The following ARHGAP42 variants were observed in gnomAD, a reference collection of about 807,000 sequenced individuals.
ARHGAP42 encodes the protein Rho GTPase activating protein 42.
In ARHGAP42, 63 loss-of-function variants were observed where a neutral mutation model predicts 125.0. The observed-to-expected ratio is 0.50, with a 90% CI of 0.41 to 0.62. The LOEUF (loss-of-function observed/expected upper bound fraction) is 0.62. Among genes scored for constraint, ARHGAP42 ranks in the 20% least tolerant of loss-of-function variants. The pLI, the probability that ARHGAP42 is intolerant of heterozygous loss-of-function variation, is 0.00. For synonymous variants in ARHGAP42, 339 were observed against 351.0 expected (o/e 0.97, Z 0.38); for missense variants, 766 against 1,024.2 (o/e 0.75, Z 3.44).
At chr11:100,827,298 C>T (rs373152680) in intron 3 of ARHGAP42, among the ~76,000 whole-genome samples, 23 of 152,298 alleles carry the variant, frequency 1.5e-4, no homozygotes, top group Non-Finnish European at 2.1e-4. Context: ...CCACAACGTC[C>T]GGCCAAGCCT....
chr11:100,806,000 G>T (rs566505502), intron 3 of ARHGAP42, among the ~76,000 whole-genome samples: 3 of 152,108 alleles, frequency 2.0e-5, no homozygotes, highest in Non-Finnish European at 4.4e-5. Context: ...CCAACCTCCT[G>T]GGAAAGTAGC....
chr11:100,993,000 A>C lies in ARHGAP42; in HGVS notation c.*4199A>C. The stretch of plus-strand genomic sequence containing the variant: ...TGTGTGCTTACTGAAGAGTCCCAAA[A>C]ACCAGAGACCATTTTCATTTACTGC... On this transcript the variant is annotated 3_prime_UTR_variant, in exon 24 of 24. Transcript: ENST00000298815. 3.4e-6 allele frequency: 1 copy of C among 295,292 alleles called. No individual in the cohort carries two copies. Among genetic ancestry groups the C allele is most frequent in the Non-Finnish European group, 6.6e-6 (1 of 150,586 alleles). 18.3% of individuals were successfully genotyped at this position (295,292 alleles called of 1,614,324 possible).
chr11:100,705,901 C>A (rs986782572), intron 1 of ARHGAP42, among the ~76,000 whole-genome samples: 1 of 151,694 alleles, frequency 6.6e-6, no homozygotes, highest in Non-Finnish European at 1.5e-5. Context: ...AGCTGTAGAC[C>A]ATGTATCATT....
intron 5 of ARHGAP42, 71 bp from the exon 6 acceptor site, chr11:100,921,423 A>T (rs1028843223): frequency 1.8e-6 from 2 of 1,132,334 alleles, no homozygotes; most frequent in Non-Finnish European, 2.5e-6. Context: ...TTTAATAAAG[A>T]TACCAGAGCA....
At position 100,991,693 on chromosome 11, in the gene ARHGAP42, A is replaced by G. The variant is rs890825319; in HGVS notation, c.*2892A>G. 1 of 152,146 alleles carries G rather than the reference A, an allele frequency of 6.6e-6. No individual in the cohort carries two copies. Among genetic ancestry groups the G allele is most frequent in the Non-Finnish European group, 1.5e-5 (1 of 68,028 alleles). 9.4% of individuals were successfully genotyped at this position (152,146 alleles called of 1,614,324 possible). A position where few individuals can be genotyped will look rare whatever the true frequency, so the allele number is the denominator to read the frequency against. ...TATGTGTAAATGTCTGAACAGTAAA[A>G]TCATCTGTGTATTCCTGTAACATTC... On this transcript the variant is annotated 3_prime_UTR_variant, in exon 24 of 24. Transcript: ENST00000298815.
At chr11:100,825,461 A>G (rs1820652097) in intron 3 of ARHGAP42, among the ~76,000 whole-genome samples, 1 of 152,252 alleles carries the variant, frequency 6.6e-6, no homozygotes, top group Non-Finnish European at 1.5e-5. Context: ...TGTTTATATC[A>G]GCCATTCAAA....
rs773454129 is a variant in ARHGAP42, at chr11:100,993,784, G to A, written c.*4983G>A. On this transcript the variant is annotated 3_prime_UTR_variant, in exon 24 of 24. Coordinates refer to ENST00000298815, the MANE Select transcript of ARHGAP42 (RefSeq NM_152432.4). Reference sequence around the variant, plus strand: ...TTTTTTGTTTATTTTGTAGTGTTCTGTATTTATCTGCACTTTGTGTATATA... The same window carrying A: ...TTTTTTGTTTATTTTGTAGTGTTCTATATTTATCTGCACTTTGTGTATATA... 6.0e-5 allele frequency: 10 copies of A among 166,952 alleles called. No homozygotes were observed. The highest frequency in any genetic ancestry group is 1.3e-4 in the Non-Finnish European group (9 of 68,102). 10.3% of individuals were successfully genotyped at this position (166,952 alleles called of 1,614,324 possible). A position where few individuals can be genotyped will look rare whatever the true frequency, so the allele number is the denominator to read the frequency against.
intron 3 of ARHGAP42, among the ~76,000 whole-genome samples, chr11:100,820,953 T>A (rs1256173299): frequency 2.0e-5 from 2 of 99,914 alleles, no homozygotes; most frequent in African/African-American, 1.1e-4. Context: ...TCTTTTTTTG[T>A]TTGTTTGTTT....
At chr11:100,749,508 C>T (rs1862392294) in intron 1 of ARHGAP42, among the ~76,000 whole-genome samples, 1 of 152,082 alleles carries the variant, frequency 6.6e-6, no homozygotes, top group Non-Finnish European at 1.5e-5. Flanking sequence ...GGCTCAACCC[C>T]TCAAACCAGG....
chr11:100,927,534 G>C (rs1867460938), intron 6 of ARHGAP42, among the ~76,000 whole-genome samples: 1 of 152,202 alleles, frequency 6.6e-6, no homozygotes, highest in Non-Finnish European at 1.5e-5. Flanking sequence ...ATAGAACTTA[G>C]TGAACAGAAT....
intron 18 of ARHGAP42, 75 bp from the exon 19 acceptor site, chr11:100,974,384 G>A (rs751204244): frequency 5.6e-6 from 8 of 1,416,242 alleles, no homozygotes; most frequent in Non-Finnish European, 7.6e-6. Flanking sequence ...GTAGCATATG[G>A]TTCAAAGCTT....
chr11:100,945,936 T>C (rs976938935), intron 10 of ARHGAP42, among the ~76,000 whole-genome samples: 4 of 152,094 alleles, frequency 2.6e-5, no homozygotes, highest in African/African-American at 9.7e-5. Context: ...TTCTTTCTAT[T>C]TGTGGAAGTC....
At chr11:100,902,046 C>A (rs1289381809) in intron 4 of ARHGAP42, among the ~76,000 whole-genome samples, 1 of 152,170 alleles carries the variant, frequency 6.6e-6, no homozygotes, top group Non-Finnish European at 1.5e-5. Flanking sequence ...TTGGAACAGA[C>A]CCTCTTTTTT....
At chr11:100,825,967 C>T (rs1864506496) in intron 3 of ARHGAP42, among the ~76,000 whole-genome samples, 2 of 152,156 alleles carry the variant, frequency 1.3e-5, no homozygotes, top group Admixed American at 1.3e-4. Flanking sequence ...TGTTGTACTT[C>T]AGTAGAGTTT....
At chr11:100,929,206 G>T (rs1051038803) in intron 6 of ARHGAP42, among the ~76,000 whole-genome samples, 2 of 151,996 alleles carry the variant, frequency 1.3e-5, no homozygotes, top group African/African-American at 4.8e-5. Context: ...TAAGGAGCAG[G>T]CAACCTAGAT....
In ARHGAP42 at chr11:100,826,072, TTC is replaced by T. The variant is rs375051553; in HGVS notation, c.312+30920_312+30921del. Among the ~76,000 whole-genome samples the T allele has an allele frequency of 4.6e-5, 7 of 151,498 alleles. No individual in the cohort carries two copies. The East Asian group carries it at 1.2e-3, about 25-fold the overall frequency. ...TCTAGCTGGTAAAATGCTGTTTTTT[TTC>T]TCTCTCTCTCTCTTTCCTTCCTTTC... On this transcript the variant is annotated intron_variant, in intron 3 of 23. Coordinates refer to ENST00000298815, the MANE Select transcript of ARHGAP42 (RefSeq NM_152432.4).
intron 9 of ARHGAP42, 150 bp downstream of exon 9, chr11:100,942,034 C>T (rs539881366): frequency 1.6e-5 from 10 of 641,756 alleles, no homozygotes; most frequent in African/African-American, 3.8e-5. Flanking sequence ...ATTTTTGTGA[C>T]GTGAATGACT....
intron 4 of ARHGAP42, among the ~76,000 whole-genome samples, chr11:100,911,422 G>A (rs1051173709): frequency 6.6e-6 from 1 of 152,028 alleles, no homozygotes; most frequent in Non-Finnish European, 1.5e-5. Context: ...AAAGGAGAGA[G>A]TTGAAAGAAG....
intron 3 of ARHGAP42, among the ~76,000 whole-genome samples, chr11:100,814,361 C>CAAAA (rs11351569): frequency 2.1e-4 from 23 of 109,756 alleles, no homozygotes; most frequent in South Asian, 3.0e-4. Flanking sequence ...GACTCCGTCT[C>CAAAA]AAAAAAAAAA....
Sources: gnomAD v4.1 joint callset for allele counts (sites outside exome capture counted in the v4.1 genomes callset) on GRCh38, gnomAD v4.1.1 for gene constraint, MANE v1.5 for transcripts, NCBI Gene and HGNC (gene_info 2026-07-23, HGNC 2026-07-21) for gene names.